The following COL13A1 variants were observed in gnomAD, a reference collection of about 807,000 sequenced individuals.
COL13A1 encodes collagen alpha-1(XIII) chain.
A neutral mutation model predicts 130.9 loss-of-function variants in COL13A1; 89 were observed. The observed-to-expected ratio is 0.68, with a 90% CI of 0.57 to 0.81. The LOEUF (loss-of-function observed/expected upper bound fraction) is 0.81, where lower values mean the gene tolerates loss of function less well. Among genes scored for constraint, COL13A1 ranks in the 30% least tolerant of loss-of-function variants. The pLI is 0.00. For missense variants in COL13A1, 879 were observed against 934.6 expected (o/e 0.94, Z 0.78); for synonymous variants, 402 against 341.6 (o/e 1.18, Z -1.95).
intron 2 of COL13A1, chr10:69,829,135 G>A (rs1339808776): frequency 1.4e-6 from 1 of 692,712 alleles, no homozygotes; most frequent in East Asian, 1.3e-4. Context: ...TGGGCTTCAG[G>A]CTGAACACCA....
intron 21 of COL13A1, among the ~76,000 whole-genome samples, chr10:69,920,577 G>A (rs1335870987): frequency 6.6e-6 from 1 of 151,954 alleles, no homozygotes; most frequent in Non-Finnish European, 1.5e-5. Flanking sequence ...AGAAGGGGAA[G>A]AAAGAGAGAG....
At chr10:69,924,698 G>A (rs2065119811) in intron 24 of COL13A1, among the ~76,000 whole-genome samples, 1 of 152,204 alleles carries the variant, frequency 6.6e-6, no homozygotes, top group Admixed American at 6.5e-5. Flanking sequence ...AAAGGTGTGA[G>A]AGAGACAAAG....
intron 2 of COL13A1, among the ~76,000 whole-genome samples, chr10:69,848,715 A>T (rs1853840310): frequency 6.6e-6 from 1 of 152,202 alleles, no homozygotes; most frequent in South Asian, 2.1e-4. Flanking sequence ...AGGGACAAGG[A>T]TGCTTCTTGG....
chr10:69,877,709 A>G (rs61856611), intron 5 of COL13A1: 1 of 88,562 alleles, frequency 1.1e-5, no homozygotes. Context: ...TCACACACAC[A>G]CACACACACA....
At chr10:69,853,180 G>T (rs1405673017) in intron 2 of COL13A1, among the ~76,000 whole-genome samples, 1 of 152,208 alleles carries the variant, frequency 6.6e-6, no homozygotes, top group Non-Finnish European at 1.5e-5. Flanking sequence ...GTCTGGAAGG[G>T]ACATTCCATG....
At chr10:69,813,342 C>A (rs1843561608) in intron 1 of COL13A1, among the ~76,000 whole-genome samples, 1 of 152,136 alleles carries the variant, frequency 6.6e-6, no homozygotes, top group Non-Finnish European at 1.5e-5. Context: ...AGTAGCAGGG[C>A]CTTGGGTTAG....
chr10:69,861,917 T>C (rs1425853854), intron 2 of COL13A1, among the ~76,000 whole-genome samples: 4 of 152,150 alleles, frequency 2.6e-5, no homozygotes, highest in Non-Finnish European at 5.9e-5. Context: ...GGCCGAGAGA[T>C]GTCATCATAG....
intron 5 of COL13A1, 74 bp from the exon 6 acceptor site, chr10:69,877,965 C>G: frequency 1.2e-5 from 8 of 685,296 alleles, no homozygotes; most frequent in Admixed American, 8.6e-5. Flanking sequence ...GTGTGGGTGC[C>G]TCTTTCTCAT....
intron 40 of COL13A1, among the ~76,000 whole-genome samples, chr10:69,958,407 A>G (rs1271958661): frequency 1.3e-5 from 2 of 152,202 alleles, no homozygotes; most frequent in African/African-American, 4.8e-5. Context: ...CTTAAGTCCA[A>G]TCTGGGACAA....
chr10:69,855,635 T>A (rs1485680353), intron 2 of COL13A1, among the ~76,000 whole-genome samples: 1 of 152,160 alleles, frequency 6.6e-6, no homozygotes, highest in East Asian at 1.9e-4. Flanking sequence ...TACTAATTGT[T>A]AATTATTCCC....
chr10:69,882,217 T>C (rs2060212418), intron 7 of COL13A1, among the ~76,000 whole-genome samples: 1 of 152,208 alleles, frequency 6.6e-6, no homozygotes, highest in South Asian at 2.1e-4. Context: ...GGCCCTACCC[T>C]ATGCTGCCAT....
intron 2 of COL13A1, 61 bp downstream of exon 2, chr10:69,822,499 C>T (rs1846354582): frequency 3.0e-6 from 4 of 1,314,058 alleles, no homozygotes; most frequent in Non-Finnish European, 4.1e-6. Context: ...AGAGGCTCTT[C>T]CTGGTGGCCA....
intron 22 of COL13A1, among the ~76,000 whole-genome samples, chr10:69,922,290 G>C (rs2064791569): frequency 6.6e-6 from 1 of 152,174 alleles, no homozygotes; most frequent in Non-Finnish European, 1.5e-5. Flanking sequence ...TAATAAGATG[G>C]GACCCTTGGA....
At chr10:69,935,449 C>T in intron 32 of COL13A1, 58 bp downstream of exon 32, 1 of 1,314,250 alleles carries the variant, frequency 7.6e-7, no homozygotes, top group Non-Finnish European at 1.0e-6. Flanking sequence ...CCACAGCAGT[C>T]ACTGGGCTCA....
At chr10:69,867,204 C>T (rs920333343) in intron 2 of COL13A1, among the ~76,000 whole-genome samples, 5 of 152,142 alleles carry the variant, frequency 3.3e-5, no homozygotes, top group African/African-American at 1.2e-4. Flanking sequence ...GGGGCCGGAG[C>T]CCGAGAGGGG....
intron 38 of COL13A1, among the ~76,000 whole-genome samples, chr10:69,949,787 G>A (rs1002398778): frequency 6.6e-6 from 1 of 152,018 alleles, no homozygotes; most frequent in African/African-American, 2.4e-5. Flanking sequence ...CATGAATCTG[G>A]CAATATAATC....
chr10:69,905,858 C>A lies in COL13A1; in HGVS notation c.921+36C>A, dbSNP rs140589372. The stretch of plus-strand genomic sequence containing the variant: ...GGGGGAGGACCCAAGTGGGGCAGGA[C>A]TTTGGACAAATCAGTGGCCTACTGG... On this transcript the variant is annotated intron_variant, in intron 17 of 40. Coordinates refer to ENST00000645393, the MANE Select transcript of COL13A1 (RefSeq NM_001368882.1). 3.5e-3 allele frequency: 5,606 copies of A among 1,610,588 alleles called. 19 individuals are homozygous for A. Among genetic ancestry groups the A allele is most frequent in the Middle Eastern group, 6.8e-3 (41 of 6,048 alleles).
intron 32 of COL13A1, 25 bp downstream of exon 32, chr10:69,935,416 G>C (rs1423966420): frequency 2.0e-6 from 3 of 1,526,244 alleles, no homozygotes; most frequent in Non-Finnish European, 2.7e-6. Context: ...CTTGTCAGTG[G>C]CCAGTCCACT....
chr10:69,902,950 C>A, intron 15 of COL13A1, 95 bp downstream of exon 15: 3 of 968,894 alleles, frequency 3.1e-6, no homozygotes, highest in Non-Finnish European at 4.4e-6. Flanking sequence ...CTACAAAAAG[C>A]AGAAATGCCT....
Sources: gnomAD v4.1 joint callset for allele counts (sites outside exome capture counted in the v4.1 genomes callset) on GRCh38, gnomAD v4.1.1 for gene constraint, MANE v1.5 for transcripts, NCBI Gene and HGNC (gene_info 2026-07-23, HGNC 2026-07-21) for gene names.